Variants in MEP1A observed in about 807,000 individuals in gnomAD.
MEP1A encodes meprin A subunit alpha.
In MEP1A, 68 loss-of-function variants were observed where a neutral mutation model predicts 84.5. That is an observed-to-expected ratio of 0.80 (90% CI 0.66 to 0.98). The LOEUF (loss-of-function observed/expected upper bound fraction) is 0.98, where lower values mean the gene tolerates loss of function less well. Among genes scored for constraint, MEP1A ranks in the 50% least tolerant of loss-of-function variants. MEP1A has a pLI of 0.00. For missense variants in MEP1A, 887 were observed against 919.9 expected (o/e 0.96, Z 0.46); for synonymous variants, 337 against 336.8 (o/e 1.00, Z -0.01).
At chr6:46,818,906 G>A (rs896114908) in intron 6 of MEP1A, among the ~76,000 whole-genome samples, 12 of 152,084 alleles carry the variant, frequency 7.9e-5, no homozygotes, top group African/African-American at 2.9e-4. Context: ...AGGGCAAATC[G>A]TTTGAGCCCA....
At chr6:46,807,573 G>GAAAGA (rs1476680475) in intron 5 of MEP1A, among the ~76,000 whole-genome samples, 2 of 26,118 alleles carry the variant, frequency 7.7e-5, no homozygotes, top group East Asian at 1.5e-3. Context: ...AGAAAGGAAG[G>GAAAGA]AAGGAAGGAA....
intron 5 of MEP1A, among the ~76,000 whole-genome samples, chr6:46,807,810 AG>A (rs1767393961): frequency 6.7e-6 from 1 of 149,432 alleles, no homozygotes. Context: ...AAAGAAAGAA[AG>A]AAAGAAAGAA....
At chr6:46,829,125 G>A (rs1768015702) in intron 9 of MEP1A, among the ~76,000 whole-genome samples, 1 of 152,178 alleles carries the variant, frequency 6.6e-6, no homozygotes, top group South Asian at 2.1e-4. Context: ...TCACAATCTT[G>A]GAACAAAGGC....
intron 10 of MEP1A, among the ~76,000 whole-genome samples, chr6:46,832,565 A>C (rs1768101117): frequency 6.6e-6 from 1 of 152,172 alleles, no homozygotes; most frequent in South Asian, 2.1e-4. Context: ...GATGTTGGAG[A>C]GGGAGTCAGT....
At chr6:46,795,763 C>T (rs746861645) in intron 3 of MEP1A, among the ~76,000 whole-genome samples, 1 of 152,164 alleles carries the variant, frequency 6.6e-6, no homozygotes, top group Non-Finnish European at 1.5e-5. Flanking sequence ...ACATAGAGCT[C>T]TCCTTTTAAT....
At chr6:46,801,534 T>C (rs184603242) in intron 5 of MEP1A, among the ~76,000 whole-genome samples, 1 of 152,254 alleles carries the variant, frequency 6.6e-6, no homozygotes, top group Admixed American at 6.5e-5. Context: ...ATATATGTAT[T>C]ATAAATATTT....
intron 6 of MEP1A, among the ~76,000 whole-genome samples, chr6:46,817,911 C>T (rs527343043): frequency 1.3e-5 from 2 of 152,268 alleles, no homozygotes; most frequent in South Asian, 4.2e-4. Flanking sequence ...CCAAAGTGCC[C>T]CTAAGCCCTT....
At position 46,833,410 on chromosome 6, in the gene MEP1A, A is replaced by C; in HGVS notation, c.1481A>C (p.Asp494Ala). The change falls in exon 11 of 14, where the codon GAT becomes GCT. Residue 494 changes from aspartate to alanine, a missense_variant. Transcript: ENST00000230588. Reference sequence around the variant, plus strand: ...TTTCATGTGTGCAGTGGGGAGAACGATGCTATCCTGGAGTGGCCGGTAGAA... The same window carrying C: ...TTTCATGTGTGCAGTGGGGAGAACGCTGCTATCCTGGAGTGGCCGGTAGAA... ...LAFHVCSGEN[D>A]AILEWPVENR... 5 of 1,614,170 alleles carry C rather than the reference A, an allele frequency of 3.1e-6. No individual in the cohort carries two copies. The highest frequency in any genetic ancestry group is 4.2e-6 in the Non-Finnish European group (5 of 1,180,014).
At chr6:46,822,156 G>T (rs982858668) in intron 7 of MEP1A, among the ~76,000 whole-genome samples, 4 of 152,108 alleles carry the variant, frequency 2.6e-5, no homozygotes, top group South Asian at 2.1e-4. Flanking sequence ...ATATCTACTT[G>T]CTTTTGTAAA....
chr6:46,798,540 T>C (rs1410664750), intron 3 of MEP1A, 66 bp from the exon 4 acceptor site: 1 of 1,254,820 alleles, frequency 8.0e-7, no homozygotes, highest in Non-Finnish European at 1.2e-6. Context: ...CTAATTTTAT[T>C]ACGAAAGATG....
chr6:46,829,601 AT>A, intron 10 of MEP1A, 30 bp downstream of exon 10: 1 of 1,541,502 alleles, frequency 6.5e-7, no homozygotes, highest in Non-Finnish European at 9.0e-7. Context: ...CGAGGAATGG[AT>A]TGGGTTAAAA....
intron 6 of MEP1A, among the ~76,000 whole-genome samples, chr6:46,814,990 T>C (rs1375191020): frequency 2.0e-5 from 3 of 152,100 alleles, no homozygotes; most frequent in Non-Finnish European, 4.4e-5. Flanking sequence ...TGGTTGTGTT[T>C]TTGTTTAGTG....
At chr6:46,816,818 C>G (rs1331132653) in intron 6 of MEP1A, among the ~76,000 whole-genome samples, 23 of 152,092 alleles carry the variant, frequency 1.5e-4, no homozygotes, top group Admixed American at 1.5e-3. Flanking sequence ...AGGCTTTTCC[C>G]CACTTCCTTG....
chr6:46,827,801 G>C (rs1767981961), intron 9 of MEP1A, among the ~76,000 whole-genome samples: 1 of 152,216 alleles, frequency 6.6e-6, no homozygotes, highest in Admixed American at 6.5e-5. Flanking sequence ...CTGTGGGCTT[G>C]CTGTTAGGCT....
chr6:46,806,356 A>G (rs528936678), intron 5 of MEP1A, among the ~76,000 whole-genome samples: 3 of 152,204 alleles, frequency 2.0e-5, no homozygotes, highest in East Asian at 3.9e-4. Context: ...TTGTTAGAGC[A>G]GTTAAATTAC....
In MEP1A at chr6:46,824,924, CTATTTAAATATATATAAATTAT is replaced by C. The variant is rs1402407280; in HGVS notation, c.557-347_557-326del. 8.2e-5 allele frequency among the ~76,000 whole-genome samples: 9 copies of C among 110,154 alleles called. 1 individual carries two copies. The highest frequency in any genetic ancestry group is 2.9e-4 in the African/African-American group (8 of 27,538). 72.3% of individuals were successfully genotyped at this position (110,154 alleles called of 152,430 possible). On this transcript the variant is annotated intron_variant, in intron 7 of 13. Coordinates refer to ENST00000230588, the MANE Select transcript of MEP1A (RefSeq NM_005588.3). ...ATATAAATTATATATTTAAATAGAT[CTATTTAAATATATATAAATTAT>C]ATATTTAAATAGATCTATTTAAATA...
chr6:46,800,160 A>C (rs1359846506), intron 5 of MEP1A, among the ~76,000 whole-genome samples: 1 of 152,200 alleles, frequency 6.6e-6, no homozygotes, highest in Non-Finnish European at 1.5e-5. Context: ...ATGGAACATG[A>C]TTTAAGAAAC....
rs1057287056 is a variant in MEP1A, at chr6:46,801,816, T to G, written c.262+2635T>G. ...GAGATTGAGACTGATTGGTTGGTAT[T>G]TATTAGCCCAGTTGTTCCAGCAACA... On this transcript the variant is annotated intron_variant, in intron 5 of 13. Coordinates refer to ENST00000230588, the MANE Select transcript of MEP1A (RefSeq NM_005588.3). Among the ~76,000 whole-genome samples the G allele has an allele frequency of 2.0e-5, 3 of 152,074 alleles. No homozygotes were observed. In the South Asian group the frequency reaches 6.2e-4, roughly 31 times the overall value.
chr6:46,826,245 C>T (rs1389895988), intron 8 of MEP1A, 109 bp from the exon 9 acceptor site: 5 of 979,688 alleles, frequency 5.1e-6, no homozygotes, highest in Admixed American at 5.6e-5. Flanking sequence ...AGATAACAAG[C>T]TTGTGATCCT....
Sources: allele counts gnomAD v4.1 joint callset (sites outside exome capture counted in the v4.1 genomes callset), GRCh38; gene constraint gnomAD v4.1.1; transcripts MANE v1.5; gene names NCBI Gene and HGNC (gene_info 2026-07-23, HGNC 2026-07-21).